The following ZNG1E variants were observed in gnomAD, a reference collection of about 807,000 sequenced individuals.
The protein encoded by ZNG1E is Zn regulated GTPase metalloprotein activator 1E.
chr9:65,684,552 A>ACG, the ZNG1E span, among the ~76,000 whole-genome samples: 9 of 37,292 alleles, frequency 2.4e-4, no homozygotes, highest in African/African-American at 5.7e-4. Context: ...ACACGCACGC[A>ACG]CACACACACA....
the ZNG1E span, among the ~76,000 whole-genome samples, chr9:65,675,495 C>G: frequency 1.3e-5 from 2 of 150,210 alleles, no homozygotes; most frequent in Non-Finnish European, 2.9e-5. Context: ...ATGTTATAAC[C>G]TTCCATTCTT....
the ZNG1E span, among the ~76,000 whole-genome samples, chr9:65,659,797 G>A: frequency 2.6e-5 from 4 of 152,138 alleles, no homozygotes; most frequent in South Asian, 2.1e-4. Context: ...TTGTGTGAGT[G>A]TTAGCTGGCC....
the ZNG1E span, among the ~76,000 whole-genome samples, chr9:65,663,238 C>A: frequency 0.062 from 9,135 of 147,060 alleles, 2 homozygotes; most frequent in African/African-American, 0.076. Context: ...AGGAATGTAA[C>A]CCTTAACTTT....
chr9:65,719,852 A>G, the ZNG1E span: 2 of 970,168 alleles, frequency 2.1e-6, no homozygotes, highest in Middle Eastern at 3.3e-4. Flanking sequence ...GTTTTTTTTA[A>G]GAAATTTTAA....
At chr9:65,660,895 C>A in the ZNG1E span, among the ~76,000 whole-genome samples, 1 of 144,918 alleles carries the variant, frequency 6.9e-6, no homozygotes. Context: ...TAAACAAACT[C>A]AAGTGTCCAA....
At chr9:65,668,529 G>T in the ZNG1E span, among the ~76,000 whole-genome samples, 8 of 150,788 alleles carry the variant, frequency 5.3e-5, no homozygotes, top group Admixed American at 2.0e-4. Flanking sequence ...ATATATGTGT[G>T]TGTATATATA....
chr9:65,720,019 A>G, the ZNG1E span: 2 of 1,599,766 alleles, frequency 1.3e-6, no homozygotes, highest in Middle Eastern at 2.3e-4. Flanking sequence ...TAATCTCTGA[A>G]TTTCTAATCA....
the ZNG1E span, among the ~76,000 whole-genome samples, chr9:65,689,412 C>T: frequency 3.1e-5 from 3 of 97,980 alleles, no homozygotes; most frequent in East Asian, 7.1e-4. Context: ...GTTAAGACAA[C>T]CAAAAACATC....
the ZNG1E span, among the ~76,000 whole-genome samples, chr9:65,686,534 G>A: frequency 1.3e-5 from 2 of 152,016 alleles, no homozygotes; most frequent in Non-Finnish European, 2.9e-5. Flanking sequence ...TACTTGGGAG[G>A]CTGAGGCAGG....
the ZNG1E span, among the ~76,000 whole-genome samples, chr9:65,674,555 T>C: frequency 6.6e-6 from 1 of 152,274 alleles, no homozygotes; most frequent in African/African-American, 2.4e-5. Context: ...AAGAATTAAA[T>C]ATTGCCAAAA....
At chr9:65,708,034 AT>A in the ZNG1E span, 1 of 151,170 alleles carries the variant, frequency 6.6e-6, no homozygotes, top group Non-Finnish European at 1.5e-5. Context: ...TAATTTTTGT[AT>A]TTTTGGTAGA....
chr9:65,672,561 T>C, the ZNG1E span, among the ~76,000 whole-genome samples: 2 of 151,700 alleles, frequency 1.3e-5, no homozygotes, highest in Admixed American at 6.6e-5. Flanking sequence ...CTGGCTAACG[T>C]GGTGAAACCT....
the ZNG1E span, among the ~76,000 whole-genome samples, chr9:65,678,726 TTTATC>T: frequency 1.1e-5 from 1 of 91,744 alleles, no homozygotes; most frequent in South Asian, 5.4e-4. Context: ...GCTTTATGAA[TTTATC>T]TTAACTGAAC....
the ZNG1E span, among the ~76,000 whole-genome samples, chr9:65,724,681 G>A: frequency 1.1e-3 from 72 of 66,392 alleles, no homozygotes; most frequent in Non-Finnish European, 1.7e-3. Context: ...TAACAATAAA[G>A]CAATTTTGAG....
chr9:65,717,842 C>A, the ZNG1E span, among the ~76,000 whole-genome samples: 4 of 145,126 alleles, frequency 2.8e-5, no homozygotes, highest in Non-Finnish European at 4.5e-5. Flanking sequence ...CACGCACTAC[C>A]ATGCCTGGCT....
chr9:65,666,860 G>A, the ZNG1E span, among the ~76,000 whole-genome samples: 144 of 151,786 alleles, frequency 9.5e-4, no homozygotes, highest in East Asian at 9.1e-3. Flanking sequence ...CTCTGTTATC[G>A]CCCAGGCTGG....
the ZNG1E span, among the ~76,000 whole-genome samples, chr9:65,677,459 C>T: frequency 6.6e-6 from 1 of 152,238 alleles, no homozygotes; most frequent in African/African-American, 2.4e-5. Context: ...TTTAGCTACA[C>T]ACCTGTGTAA....
the ZNG1E span, among the ~76,000 whole-genome samples, chr9:65,705,404 GA>G: frequency 6.6e-6 from 1 of 151,878 alleles, no homozygotes; most frequent in Non-Finnish European, 1.5e-5. Context: ...TGCCTTTAAG[GA>G]GATCAGTCAT....
At chr9:65,714,752 C>G in the ZNG1E span, among the ~76,000 whole-genome samples, 4 of 151,362 alleles carry the variant, frequency 2.6e-5, no homozygotes, top group African/African-American at 7.3e-5. Context: ...GCAGTCTGCC[C>G]GTTCTCAGAT....
Sources: allele counts gnomAD v4.1 joint callset (sites outside exome capture counted in the v4.1 genomes callset), GRCh38; gene constraint gnomAD v4.1.1; transcripts MANE v1.5; gene names NCBI Gene and HGNC (gene_info 2026-07-23, HGNC 2026-07-21).